SPATA17: variants seen among roughly 807,000 people sequenced by gnomAD.
The protein encoded by SPATA17 is spermatogenesis-associated protein 17.
SPATA17 carries 53 observed loss-of-function variants against 62.2 expected under a neutral mutation model. The observed-to-expected ratio is 0.85, with a 90% CI of 0.68 to 1.07. The LOEUF is 1.07. SPATA17 is among the 50% of genes least tolerant of loss of function. The probability of loss-of-function intolerance (pLI) is 0.00; values close to 1 mark genes in which losing one functional copy is unlikely to be tolerated. For missense variants in SPATA17, 466 were observed against 425.5 expected, an observed-to-expected ratio of 1.10 and a Z score of -0.84; for synonymous variants, 146 against 146.8, an observed-to-expected ratio of 0.99 and a Z score of 0.04.
chr1:217,696,641 C>G (rs1267837772), intron 5 of SPATA17, among the ~76,000 whole-genome samples: 1 of 152,156 alleles, frequency 6.6e-6, no homozygotes, highest in East Asian at 1.9e-4. Flanking sequence ...TATTCTGCAT[C>G]TGATAATTGT....
At chr1:217,865,240 C>T (rs1210097288) in intron 10 of SPATA17, among the ~76,000 whole-genome samples, 2 of 152,178 alleles carry the variant, frequency 1.3e-5, no homozygotes, top group African/African-American at 4.8e-5. Flanking sequence ...TATTTGATTG[C>T]TTCAGCTCCA....
chr1:217,783,062 C>A (rs1673769454), intron 8 of SPATA17, among the ~76,000 whole-genome samples: 1 of 150,552 alleles, frequency 6.6e-6, no homozygotes, highest in African/African-American at 2.4e-5. Flanking sequence ...GACATTATTA[C>A]ATTATAATAC....
At chr1:217,789,187 A>G (rs539764778) in intron 8 of SPATA17, among the ~76,000 whole-genome samples, 29 of 152,294 alleles carry the variant, frequency 1.9e-4, no homozygotes, top group African/African-American at 7.0e-4. Flanking sequence ...AAAAACAAAA[A>G]AGTATTAATT....
At chr1:217,783,921 C>T (rs543466725) in intron 8 of SPATA17, among the ~76,000 whole-genome samples, 51 of 152,014 alleles carry the variant, frequency 3.4e-4, no homozygotes, top group African/African-American at 1.2e-3. Context: ...TGAGGCTTTC[C>T]GAGATTGCAA....
chr1:217,840,000 A>T (rs1169319985), intron 9 of SPATA17, among the ~76,000 whole-genome samples: 1 of 137,214 alleles, frequency 7.3e-6, no homozygotes, highest in Non-Finnish European at 1.7e-5. Flanking sequence ...TAAAGGTTTA[A>T]TCTTGTCGAA....
intron 3 of SPATA17, among the ~76,000 whole-genome samples, chr1:217,653,742 A>T (rs1172790738): frequency 1.3e-5 from 2 of 152,076 alleles, no homozygotes; most frequent in Non-Finnish European, 2.9e-5. Context: ...TGAAGAGGAG[A>T]TTTGATTTTT....
At chr1:217,802,082 G>A (rs554162434) in intron 9 of SPATA17, among the ~76,000 whole-genome samples, 18 of 151,880 alleles carry the variant, frequency 1.2e-4, no homozygotes, top group Admixed American at 3.3e-4. Flanking sequence ...TAGGATCAAA[G>A]GCATGGATCA....
chr1:217,803,895 G>A (rs1674371992), intron 9 of SPATA17, among the ~76,000 whole-genome samples: 1 of 152,078 alleles, frequency 6.6e-6, no homozygotes, highest in African/African-American at 2.4e-5. Context: ...GTGCCTGCCT[G>A]TAGTCCCAGC....
At chr1:217,744,261 G>GA (rs1672697368) in intron 6 of SPATA17, among the ~76,000 whole-genome samples, 1 of 49,206 alleles carries the variant, frequency 2.0e-5, no homozygotes, top group African/African-American at 4.8e-5. Flanking sequence ...AAGAGATCGA[G>GA]ACCATCCCGG....
chr1:217,863,295 T>G (rs1165400133), intron 10 of SPATA17, among the ~76,000 whole-genome samples: 2 of 151,868 alleles, frequency 1.3e-5, no homozygotes, highest in Non-Finnish European at 2.9e-5. Flanking sequence ...CTAATTTTTG[T>G]ATTTTTAGTA....
intron 3 of SPATA17, among the ~76,000 whole-genome samples, chr1:217,660,281 C>T (rs1670537834): frequency 6.6e-6 from 1 of 152,170 alleles, no homozygotes; most frequent in East Asian, 1.9e-4. Flanking sequence ...GTAGGCATTT[C>T]TCTCACTGAT....
chr1:217,686,778 G>A (rs1460989208), intron 5 of SPATA17, among the ~76,000 whole-genome samples: 1 of 152,156 alleles, frequency 6.6e-6, no homozygotes, highest in East Asian at 1.9e-4. Context: ...GGAATGCAGT[G>A]GCACAATCTT....
chr1:217,761,197 T>G (rs1177998666), intron 6 of SPATA17, among the ~76,000 whole-genome samples: 1 of 152,224 alleles, frequency 6.6e-6, no homozygotes, highest in Non-Finnish European at 1.5e-5. Context: ...CCTTTGGCCT[T>G]TGTGACATTA....
intron 8 of SPATA17, among the ~76,000 whole-genome samples, chr1:217,793,222 T>G (rs1455141463): frequency 1.8e-5 from 2 of 108,496 alleles, no homozygotes; most frequent in African/African-American, 3.9e-5. Context: ...GTGGTTTTTG[T>G]TTTTTTTTTT....
intron 9 of SPATA17, among the ~76,000 whole-genome samples, chr1:217,837,436 T>G (rs1675286785): frequency 6.6e-6 from 1 of 152,018 alleles, no homozygotes; most frequent in Admixed American, 6.6e-5. Context: ...GTGGGGTAAT[T>G]TGGGGGTGGT....
chr1:217,767,562 T>C lies in SPATA17; in HGVS notation c.520-6772T>C, dbSNP rs909246549. Among the ~76,000 whole-genome samples, 16 of 152,214 alleles carry C rather than the reference T, an allele frequency of 1.1e-4. 1 individual carries two copies. Among genetic ancestry groups the C allele is most frequent in the Non-Finnish European group, 1.5e-4 (10 of 68,036 alleles). On this transcript the variant is annotated intron_variant, in intron 6 of 10. Transcript: ENST00000366933. ...GATATTCTGTTTCATTTTTAACAACTTTCTTCTGTGTGCTTTTCCATTTTG... is the reference window on the plus strand; with the variant it reads ...GATATTCTGTTTCATTTTTAACAACCTTCTTCTGTGTGCTTTTCCATTTTG...
At chr1:217,809,129 A>G (rs1033563780) in intron 9 of SPATA17, among the ~76,000 whole-genome samples, 4 of 152,226 alleles carry the variant, frequency 2.6e-5, no homozygotes, top group Non-Finnish European at 4.4e-5. Flanking sequence ...TTTTTTAAGG[A>G]CATTATAAAT....
intron 8 of SPATA17, among the ~76,000 whole-genome samples, chr1:217,793,634 C>T (rs1393588516): frequency 2.0e-5 from 3 of 152,050 alleles, no homozygotes; most frequent in Non-Finnish European, 4.4e-5. Flanking sequence ...TATATATTTG[C>T]AAAATATGCC....
intron 8 of SPATA17, among the ~76,000 whole-genome samples, chr1:217,801,056 C>T (rs917211440): frequency 1.3e-5 from 2 of 152,106 alleles, no homozygotes; most frequent in East Asian, 3.9e-4. Flanking sequence ...TTTACATCTG[C>T]TTTTAGCACC....
Sources: allele counts gnomAD v4.1 joint callset (sites outside exome capture counted in the v4.1 genomes callset), GRCh38; gene constraint gnomAD v4.1.1; transcripts MANE v1.5; gene names NCBI Gene and HGNC (gene_info 2026-07-23, HGNC 2026-07-21).